The following KLHL36 variants were observed in gnomAD, a reference collection of about 807,000 sequenced individuals.
KLHL36 encodes the protein kelch-like protein 36.
In KLHL36, 35 loss-of-function variants were observed where a neutral mutation model predicts 53.3. The observed-to-expected ratio is 0.66, with a 90% CI of 0.50 to 0.87. The LOEUF is 0.87. Ranked by LOEUF, KLHL36 falls within the 40% of genes least tolerant of loss-of-function variation. The pLI is 0.00. For missense variants in KLHL36, 864 were observed against 897.6 expected, an observed-to-expected ratio of 0.96 and a Z score of 0.48; for synonymous variants, 472 against 398.9, an observed-to-expected ratio of 1.18 and a Z score of -2.18.
In KLHL36 at chr16:84,661,845, G is replaced by T. The variant is rs140746047; in HGVS notation, c.1563G>T (p.Pro521=). ...TGCTGGGCGTGGAGGCCTACAGCCC[G>T]CAGTGCAACCAGTGGACCCGCGTGG... ...FDVLGVEAYS[P]QCNQWTRVAP... Residue 521 remains proline (P), a synonymous_variant, in exon 5 of 5, where the codon CCG becomes CCT. Coordinates refer to ENST00000564996, the MANE Select transcript of KLHL36 (RefSeq NM_024731.4). This position sits in a 1 kb window ranked among gnomAD's most constrained non-coding sequence, Gnocchi z 7.9. 6.2e-6 allele frequency: 10 copies of T among 1,604,644 alleles called. No individual in the cohort carries two copies. The highest frequency in any genetic ancestry group is 8.5e-6 in the Non-Finnish European group (10 of 1,172,822).
chr16:84,655,405 G>A (rs945541605), intron 2 of KLHL36, among the ~76,000 whole-genome samples: 2 of 152,174 alleles, frequency 1.3e-5, no homozygotes, highest in Non-Finnish European at 2.9e-5. Flanking sequence ...TTAGGGAGAC[G>A]TTGTCCCTGC....
Position 84,663,585 on chromosome 16 carries a change from A to T in KLHL36, c.*1452A>T, listed in dbSNP as rs921808412. The T allele has an allele frequency of 6.6e-6, 1 of 151,720 alleles. No individual in the cohort carries two copies. The allele number at this position is 151,720 out of a possible 1,614,324, so 9.4% of individuals were successfully genotyped here. The stretch of plus-strand genomic sequence containing the variant: ...AACTTCAAGATGTGCTTCATCTTCA[A>T]TCCTAGTCTAACACCAGTCTTCCTG... On this transcript the variant is annotated 3_prime_UTR_variant, in exon 5 of 5. Coordinates refer to ENST00000564996, the MANE Select transcript of KLHL36 (RefSeq NM_024731.4).
Position 84,661,617 on chromosome 16 carries a change from C to T in KLHL36, c.1335C>T (p.Phe445=), listed in dbSNP as rs1230326142. Reference sequence around the variant, plus strand: ...ACGCGGGCACCATCTACAAAGACTTCGTGTACATCTCGGGGGGCCACGACT... The same window carrying T: ...ACGCGGGCACCATCTACAAAGACTTTGTGTACATCTCGGGGGGCCACGACT... ...YGHAGTIYKD[F]VYISGGHDYQ... is the part of the protein sequence containing the mutation. The change falls in exon 5 of 5, where the codon TTC becomes TTT. Residue 445 remains phenylalanine, a synonymous_variant. Transcript: ENST00000564996. The surrounding 1 kb of genome is among the most constrained non-coding windows in gnomAD (Gnocchi z 7.9). The T allele has an allele frequency of 1.2e-5, 20 of 1,609,194 alleles. No individual in the cohort carries two copies. The highest frequency in any genetic ancestry group is 2.2e-5 in the East Asian group (1 of 44,828).
intron 2 of KLHL36, among the ~76,000 whole-genome samples, chr16:84,651,363 C>T (rs532141532): frequency 5.9e-5 from 9 of 152,278 alleles, no homozygotes; most frequent in Non-Finnish European, 8.8e-5. Context: ...CTGGAGTCGT[C>T]TTCCCTGGTC....
chr16:84,654,206 C>T (rs1014542284), intron 2 of KLHL36, among the ~76,000 whole-genome samples: 3 of 152,252 alleles, frequency 2.0e-5, no homozygotes, highest in Non-Finnish European at 4.4e-5. Flanking sequence ...ATAGCCGCCT[C>T]ATGCCCTCAT....
At position 84,666,252 on chromosome 16, in the gene KLHL36, C is replaced by G. The variant is rs891504469; in HGVS notation, c.*4119C>G. 8.5e-5 allele frequency: 13 copies of G among 152,218 alleles called. No individual in the cohort carries two copies. The highest frequency in any genetic ancestry group is 2.7e-4 in the African/African-American group (11 of 41,444). 9.4% of individuals were successfully genotyped at this position (152,218 alleles called of 1,614,324 possible). A position where few individuals can be genotyped will look rare whatever the true frequency, so the allele number is the denominator to read the frequency against. ...CCTGCCGGGGTTTTCCACCTCATCCCTTTCCTCCGGCCCCTTGATTTGTGC... is the reference window on the plus strand; with the variant it reads ...CCTGCCGGGGTTTTCCACCTCATCCGTTTCCTCCGGCCCCTTGATTTGTGC... On this transcript the variant is annotated 3_prime_UTR_variant, in exon 5 of 5. Transcript: ENST00000564996.
chr16:84,656,114 G>C (rs1362500546), intron 2 of KLHL36, among the ~76,000 whole-genome samples: 1 of 152,008 alleles, frequency 6.6e-6, no homozygotes, highest in Admixed American at 6.6e-5. Flanking sequence ...GGTTGGTCTC[G>C]AACTTCCTGG....
At chr16:84,652,988 C>T (rs969283497) in intron 2 of KLHL36, among the ~76,000 whole-genome samples, 7 of 151,876 alleles carry the variant, frequency 4.6e-5, no homozygotes, top group East Asian at 3.9e-4. Flanking sequence ...GAGGCCGAGG[C>T]GGGAGGATCT....
At chr16:84,659,714 G>A in intron 3 of KLHL36, 46 bp from the exon 4 acceptor site, 1 of 1,596,198 alleles carries the variant, frequency 6.3e-7, no homozygotes, top group Non-Finnish European at 8.6e-7. Context: ...TGTTGATGCT[G>A]TCCCGGGTTC....
rs768864541 is a variant in KLHL36 at position 84,661,987 on chromosome 16, G to T, written c.1705G>T (p.Asp569Tyr). ...TAFSKTVQVY[D>Y]READKWSRGV... ...CTTCTCCAAGACCGTGCAGGTGTACGACCGCGAGGCCGACAAGTGGAGCAG... is the reference window on the plus strand; with the variant it reads ...CTTCTCCAAGACCGTGCAGGTGTACTACCGCGAGGCCGACAAGTGGAGCAG... The change falls in exon 5 of 5, where the codon GAC (aspartate) becomes TAC (tyrosine). Residue 569 changes from aspartate (D) to tyrosine (Y), a missense_variant. Physicochemically the swap from Asp to Tyr is radical, Grantham distance 160. Transcript: ENST00000564996. The surrounding 1 kb of genome is among the most constrained non-coding windows in gnomAD (Gnocchi z 7.9). 3.8e-6 allele frequency: 6 copies of T among 1,596,232 alleles called. No homozygotes were observed. The highest frequency in any genetic ancestry group is 2.3e-5 in the East Asian group (1 of 44,192).
In KLHL36 at chr16:84,661,866, C is replaced by T. The variant is rs750381819; in HGVS notation, c.1584C>T (p.Arg528=). The change falls in exon 5 of 5, where the codon CGC becomes CGT. Residue 528 remains arginine, a synonymous_variant. Coordinates refer to ENST00000564996, the MANE Select transcript of KLHL36 (RefSeq NM_024731.4). The surrounding 1 kb of genome is among the most constrained non-coding windows in gnomAD (Gnocchi z 7.9). Reference sequence around the variant, plus strand: ...GCCCGCAGTGCAACCAGTGGACCCGCGTGGCGCCGCTGCTGCACGCCAACA... The same window carrying T: ...GCCCGCAGTGCAACCAGTGGACCCGTGTGGCGCCGCTGCTGCACGCCAACA... ...AYSPQCNQWT[R]VAPLLHANSE... 5.5e-5 allele frequency: 88 copies of T among 1,600,712 alleles called. No homozygotes were observed. In the Admixed American group the frequency reaches 8.4e-4, roughly 15 times the overall value.
In KLHL36 at chr16:84,664,547, A is replaced by C. The variant is rs1221202489; in HGVS notation, c.*2414A>C. ...ATTTTGTGGTGTCTCTCCTGATACT[A>C]TGAAGGTGGTTTGTAATTGACATGG... On this transcript the variant is annotated 3_prime_UTR_variant, in exon 5 of 5. Coordinates refer to ENST00000564996, the MANE Select transcript of KLHL36 (RefSeq NM_024731.4). 1 of 152,184 alleles carries C rather than the reference A, an allele frequency of 6.6e-6. No homozygotes were observed. The highest frequency in any genetic ancestry group is 2.4e-5 in the African/African-American group (1 of 41,424). 9.4% of individuals were successfully genotyped at this position (152,184 alleles called of 1,614,324 possible). A position where few individuals can be genotyped will look rare whatever the true frequency, so the allele number is the denominator to read the frequency against.
chr16:84,655,780 A>G (rs1348251680), intron 2 of KLHL36, among the ~76,000 whole-genome samples: 2 of 151,354 alleles, frequency 1.3e-5, no homozygotes, highest in East Asian at 3.9e-4. Flanking sequence ...TCCTCCAACC[A>G]CATTTCCCCT....
In KLHL36 at chr16:84,658,082, C is replaced by G. The variant is rs985556122; in HGVS notation, c.1137+138C>G. The G allele has an allele frequency of 1.7e-5, 12 of 694,610 alleles. No individual in the cohort carries two copies. The African/African-American group carries it at 2.0e-4, about 12-fold the overall frequency. 43.0% of individuals were successfully genotyped at this position (694,610 alleles called of 1,614,324 possible). On this transcript the variant is annotated intron_variant, in intron 3 of 4. Coordinates refer to ENST00000564996, the MANE Select transcript of KLHL36 (RefSeq NM_024731.4). ...TGAGGTGTGATGATAAAGTGACGAG[C>G]AGAATACCCCGGGGCCTACATCCTG...
chr16:84,650,815 T>C, intron 1 of KLHL36, 37 bp from the exon 2 acceptor site: 2 of 1,469,502 alleles, frequency 1.4e-6, no homozygotes, highest in Non-Finnish European at 1.9e-6. Context: ...GACCTAGAGT[T>C]ATGACTGCAT....
intron 2 of KLHL36, among the ~76,000 whole-genome samples, chr16:84,652,576 A>T (rs1906957496): frequency 6.6e-6 from 1 of 152,174 alleles, no homozygotes; most frequent in South Asian, 2.1e-4. Flanking sequence ...GCCTGTTTCT[A>T]ACTTTTTATT....
chr16:84,651,420 C>T (rs1214391508), intron 2 of KLHL36, among the ~76,000 whole-genome samples: 2 of 152,150 alleles, frequency 1.3e-5, no homozygotes, highest in Non-Finnish European at 2.9e-5. Flanking sequence ...TTCCCCAGAG[C>T]CAGGCTACTG....
In KLHL36 at chr16:84,648,587, G is replaced by T. The variant is rs949348191; in HGVS notation, c.-79G>T. 12 of 147,386 alleles carry T rather than the reference G, an allele frequency of 8.1e-5. No individual in the cohort carries two copies. Among genetic ancestry groups the T allele is most frequent in the African/African-American group, 2.2e-4 (9 of 40,768 alleles). The allele number at this position is 147,386 out of a possible 1,614,324, so 9.1% of individuals were successfully genotyped here. On this transcript the variant is annotated 5_prime_UTR_variant, in exon 1 of 5. Transcript: ENST00000564996. This position sits in a 1 kb window ranked among gnomAD's most constrained non-coding sequence, Gnocchi z 4.9. ...GGGTCTCCTGAACCCGGGCCCCGCC[G>T]CCCCGACCGCCCGGCCCCGCCGCCG...
At chr16:84,650,735 C>T in intron 1 of KLHL36, 117 bp from the exon 2 acceptor site, 3 of 711,138 alleles carry the variant, frequency 4.2e-6, no homozygotes, top group South Asian at 1.7e-5. Context: ...TCCTCCCTCC[C>T]TCCTTCTTCC....
Sources: allele counts gnomAD v4.1 joint callset (sites outside exome capture counted in the v4.1 genomes callset), GRCh38; gene constraint gnomAD v4.1.1; non-coding constraint Gnocchi (gnomAD v3.1); transcripts MANE v1.5; gene names NCBI Gene and HGNC (gene_info 2026-07-23, HGNC 2026-07-21).